VCAN: variants seen among roughly 807,000 people sequenced by gnomAD.
VCAN encodes the protein versican core protein.
Under a neutral mutation model 245.5 loss-of-function variants are expected in VCAN, and 44 were observed. The observed-to-expected ratio is 0.18, with a 90% CI of 0.14 to 0.23. The LOEUF (loss-of-function observed/expected upper bound fraction) is 0.23. VCAN is among the 10% of genes least tolerant of loss of function. VCAN has a pLI of 1.00. For synonymous variants in VCAN, 1,413 were observed against 1,437.0 expected (o/e 0.98, Z 0.38); for missense variants, 3,793 against 4,057.9 (o/e 0.93, Z 1.77).
intron 13 of VCAN, among the ~76,000 whole-genome samples, chr5:83,575,406 G>A (rs908303882): frequency 2.6e-5 from 4 of 152,110 alleles, no homozygotes; most frequent in East Asian, 1.9e-4. Context: ...TTCTTTTTCC[G>A]GTGTAGGAAT....
rs764072946 is a variant in VCAN at position 83,539,764 on chromosome 5, C to G, written c.6761C>G (p.Ser2254Cys). The G allele has an allele frequency of 6.2e-7, 1 of 1,613,970 alleles. No individual in the cohort carries two copies. Among genetic ancestry groups the G allele is most frequent in the Non-Finnish European group, 8.5e-7 (1 of 1,179,998 alleles). ...IQESDTELLF[S>C]GLGSGEEVLP... The stretch of plus-strand genomic sequence containing the variant: ...GAGTCAGATACTGAGCTCTTATTCT[C>G]TGGACTGGGATCAGGAGAAGAAGTT... The change falls in exon 8 of 15, where the codon TCT becomes TGT. Residue 2254 changes from serine (S) to cysteine (C), a missense_variant. By Grantham distance (112) the Ser-to-Cys change is moderately radical (BLOSUM62 -1). This residue lies in a region of VCAN where 3,182 missense variants were observed against 3,250.3 expected (regional missense o/e 0.98). Coordinates refer to ENST00000265077, the MANE Select transcript of VCAN (RefSeq NM_004385.5).
At chr5:83,568,802 T>C (rs1464498465) in intron 12 of VCAN, among the ~76,000 whole-genome samples, 3 of 152,166 alleles carry the variant, frequency 2.0e-5, no homozygotes, top group African/African-American at 7.2e-5. Context: ...AGTAAGAATA[T>C]ATAGAATAAA....
intron 5 of VCAN, among the ~76,000 whole-genome samples, chr5:83,500,316 A>G (rs530451317): frequency 1.3e-5 from 2 of 152,250 alleles, no homozygotes; most frequent in South Asian, 4.1e-4. Flanking sequence ...AGCTTCCTAT[A>G]TAGACTTTGG....
chr5:83,476,692 C>CGTGT (rs550135081), intron 1 of VCAN, among the ~76,000 whole-genome samples: 2 of 151,360 alleles, frequency 1.3e-5, no homozygotes, highest in Non-Finnish European at 3.0e-5. Flanking sequence ...GTGGGGGGTG[C>CGTGT]GTGTGTGTGT....
At chr5:83,512,926 G>A (rs1335224551) in intron 6 of VCAN, 1 of 153,642 alleles carries the variant, frequency 6.5e-6, no homozygotes, top group Non-Finnish European at 1.5e-5. Flanking sequence ...CTCCATTTAT[G>A]TCAAGTAATG....
chr5:83,528,569 C>G (rs1746390479), intron 7 of VCAN, among the ~76,000 whole-genome samples: 1 of 152,082 alleles, frequency 6.6e-6, no homozygotes, highest in Admixed American at 6.6e-5. Context: ...TGTTGTCACA[C>G]TTTTCTGAGC....
Position 83,537,065 on chromosome 5 carries a change from T to C in VCAN, c.4062T>C (p.Asp1354=). 2 of 1,612,980 alleles carry C rather than the reference T, an allele frequency of 1.2e-6. No homozygotes were observed. Among genetic ancestry groups the C allele is most frequent in the Non-Finnish European group, 1.7e-6 (2 of 1,179,628 alleles). Residue 1354 remains aspartate (D), a synonymous_variant, in exon 8 of 15, where the codon GAT becomes GAC. Coordinates refer to ENST00000265077, the MANE Select transcript of VCAN (RefSeq NM_004385.5). ...CAATAGATTCAGAATCTAAAGAAGA[T>C]GAACCTTGTAGTGAAGAAACAGATC... ...GHPIDSESKE[D]EPCSEETDPV...
intron 13 of VCAN, 108 bp from the exon 14 acceptor site, chr5:83,579,872 G>A: frequency 8.4e-7 from 1 of 1,186,428 alleles, no homozygotes; most frequent in Non-Finnish European, 1.2e-6. Flanking sequence ...GATTGCCTTT[G>A]ATGAAGTTGC....
intron 5 of VCAN, among the ~76,000 whole-genome samples, chr5:83,506,172 T>A (rs1169359905): frequency 6.6e-6 from 1 of 152,222 alleles, no homozygotes; most frequent in Non-Finnish European, 1.5e-5. Context: ...GGCTCCTTGC[T>A]ACTTATGCAA....
chr5:83,510,992 T>C lies in VCAN; in HGVS notation c.749-1111T>C, dbSNP rs1390175921. Among the ~76,000 whole-genome samples, 10 of 152,200 alleles carry C rather than the reference T, an allele frequency of 6.6e-5. No homozygotes were observed. In the East Asian group the frequency reaches 1.2e-3, roughly 18 times the overall value. On this transcript the variant is annotated intron_variant, in intron 5 of 14. Coordinates refer to ENST00000265077, the MANE Select transcript of VCAN (RefSeq NM_004385.5). ...AGCTGGGCGTGGTGGCAGGTGCCTG[T>C]AATCCCAGCTACTTGGGAGGCTGAG...
intron 12 of VCAN, among the ~76,000 whole-genome samples, chr5:83,570,685 T>C (rs1246040637): frequency 1.3e-5 from 2 of 152,128 alleles, no homozygotes; most frequent in African/African-American, 4.8e-5. Flanking sequence ...AAGAAACATT[T>C]GGTATTGAAA....
At chr5:83,549,600 G>A (rs545899566) in intron 10 of VCAN, among the ~76,000 whole-genome samples, 49 of 152,246 alleles carry the variant, frequency 3.2e-4, no homozygotes, top group African/African-American at 1.1e-3. Context: ...TGCATTGAGT[G>A]GCAACAGATT....
chr5:83,545,456 A>G, intron 8 of VCAN, 81 bp from the exon 9 acceptor site: 1 of 1,072,352 alleles, frequency 9.3e-7, no homozygotes, highest in Non-Finnish European at 1.5e-6. Flanking sequence ...TATGGTAGCA[A>G]TATGGGGCGT....
chr5:83,521,313 G>A lies in VCAN; in HGVS notation c.3007G>A (p.Asp1003Asn), dbSNP rs772876102. The A allele has an allele frequency of 1.2e-6, 2 of 1,614,054 alleles. No homozygotes were observed. The highest frequency in any genetic ancestry group is 1.7e-5 in the Admixed American group (1 of 60,018). Residue 1003 changes from aspartate (D) to asparagine (N), a missense_variant, in exon 7 of 15, where the codon GAC becomes AAC. Asp to Asn is a conservative substitution (Grantham distance 23). Coordinates refer to ENST00000265077, the MANE Select transcript of VCAN (RefSeq NM_004385.5). ...TGAAGTTCTAGGTGAACCCTCTCAA[G>A]ACATACTTGTCATTGATCAGACTCG... ...EDEVLGEPSQ[D>N]ILVIDQTRLE...
At chr5:83,527,632 G>T (rs1746352176) in intron 7 of VCAN, among the ~76,000 whole-genome samples, 1 of 152,150 alleles carries the variant, frequency 6.6e-6, no homozygotes, top group Non-Finnish European at 1.5e-5. Context: ...GTCCTTTGAG[G>T]TGAAATATTT....
intron 5 of VCAN, among the ~76,000 whole-genome samples, chr5:83,497,234 A>G (rs1393538875): frequency 6.6e-6 from 1 of 152,192 alleles, no homozygotes; most frequent in African/African-American, 2.4e-5. Context: ...TAATTTAATT[A>G]TTTATTGTGA....
chr5:83,531,695 A>C (rs1221870971), intron 7 of VCAN, among the ~76,000 whole-genome samples: 1 of 152,166 alleles, frequency 6.6e-6, no homozygotes, highest in African/African-American at 2.4e-5. Context: ...GTGAACTTTA[A>C]CCAGCTGCCT....
Position 83,520,246 on chromosome 5 carries a change from C to T in VCAN, c.1940C>T (p.Ser647Leu), listed in dbSNP as rs866083951. ...GKYLSTTPFPSQHRTEIELFP... is the reference protein window; with the variant it reads ...GKYLSTTPFPLQHRTEIELFP... ...TATCTGTCTACTACACCTTTTCCAT[C>T]ACAGCATCGTACAGAAATAGAATTG... is the stretch of plus-strand genomic sequence containing the variant. Residue 647 changes from serine to leucine, a missense_variant, in exon 7 of 15, where the codon TCA (serine) becomes TTA (leucine). Physicochemically the swap from Ser to Leu is moderately radical, Grantham distance 145. This residue lies in a region of VCAN where 3,182 missense variants were observed against 3,250.3 expected (regional missense o/e 0.98). Transcript: ENST00000265077. The T allele has an allele frequency of 6.2e-7, 1 of 1,613,990 alleles. No individual in the cohort carries two copies. Among genetic ancestry groups the T allele is most frequent in the Non-Finnish European group, 8.5e-7 (1 of 1,179,948 alleles).
rs1033799049 is a variant in VCAN at position 83,541,418 on chromosome 5, A to T, written c.8415A>T (p.Pro2805=). The T allele has an allele frequency of 6.2e-7, 1 of 1,614,048 alleles. No individual in the cohort carries two copies. The highest frequency in any genetic ancestry group is 8.5e-7 in the Non-Finnish European group (1 of 1,179,980). ...VPDVMEGSNP[P]YYTDTTLAVS... is the part of the protein sequence containing the mutation. ...ATGTGATGGAAGGATCCAATCCCCCATATTACACTGATACAACATTAGCAG... is the reference window on the plus strand; with the variant it reads ...ATGTGATGGAAGGATCCAATCCCCCTTATTACACTGATACAACATTAGCAG... The change falls in exon 8 of 15, where the codon CCA becomes CCT. Residue 2805 remains proline (P), a synonymous_variant. Transcript: ENST00000265077.
Sources: gnomAD v4.1 joint callset for allele counts (sites outside exome capture counted in the v4.1 genomes callset) on GRCh38, gnomAD v4.1.1 for gene constraint, gnomAD v4.1.1 regional missense constraint, MANE v1.5 for transcripts, NCBI Gene and HGNC (gene_info 2026-07-23, HGNC 2026-07-21) for gene names.